Variants in LRCH3 observed in about 807,000 individuals in gnomAD.
LRCH3 encodes leucine rich repeats and calponin homology domain containing 3.
LRCH3 carries 68 observed loss-of-function variants against 104.5 expected under a neutral mutation model. The ratio of observed to expected loss-of-function variants is 0.65; its 90% confidence interval spans 0.54 to 0.80. LRCH3 has a LOEUF of 0.80. LRCH3 is among the 30% of genes least tolerant of loss of function. LRCH3 has a pLI of 0.00. For missense variants in LRCH3, 951 were observed against 953.9 expected (o/e 1.00, Z 0.04); for synonymous variants, 344 against 361.3 (o/e 0.95, Z 0.54).
At chr3:197,869,337 A>G (rs995061865) in intron 17 of LRCH3, among the ~76,000 whole-genome samples, 6 of 151,352 alleles carry the variant, frequency 4.0e-5, no homozygotes, top group Non-Finnish European at 8.8e-5. Context: ...AGGAAGTAGA[A>G]AGCGGTGCAC....
At chr3:197,875,003 A>G (rs1712704192) in intron 19 of LRCH3, among the ~76,000 whole-genome samples, 6 of 145,374 alleles carry the variant, frequency 4.1e-5, no homozygotes. Context: ...GCTCCCCACA[A>G]CCTCTGCCTC....
intron 10 of LRCH3, among the ~76,000 whole-genome samples, chr3:197,842,765 A>G (rs1024805816): frequency 6.6e-6 from 1 of 152,184 alleles, no homozygotes; most frequent in Non-Finnish European, 1.5e-5. Flanking sequence ...ACTAGCAAAA[A>G]TTATGTTTTA....
rs933071689 is a variant in LRCH3 at position 197,854,920 on chromosome 3, A to C, written c.1644+475A>C. 6.6e-6 allele frequency among the ~76,000 whole-genome samples: 1 copy of C among 152,134 alleles called. No homozygotes were observed. The highest frequency in any genetic ancestry group is 2.4e-5 in the African/African-American group (1 of 41,418). On this transcript the variant is annotated intron_variant, in intron 14 of 20. Transcript: ENST00000425562. This position sits in a 1 kb window ranked among gnomAD's most constrained non-coding sequence, Gnocchi z 4.5. Reference sequence around the variant, plus strand: ...ACTTACAGCTCAAGATTATTCCTTCATGTTCACTTTTTAAACCCAAGGAAA... The same window carrying C: ...ACTTACAGCTCAAGATTATTCCTTCCTGTTCACTTTTTAAACCCAAGGAAA...
chr3:197,841,999 T>C (rs896565004), intron 10 of LRCH3, among the ~76,000 whole-genome samples: 9 of 152,004 alleles, frequency 5.9e-5, no homozygotes, highest in Non-Finnish European at 8.8e-5. Context: ...ACTCAGCAAA[T>C]TTTTTGTTAT....
intron 19 of LRCH3, among the ~76,000 whole-genome samples, chr3:197,873,080 T>G (rs951965188): frequency 1.3e-5 from 2 of 152,142 alleles, no homozygotes; most frequent in Non-Finnish European, 2.9e-5. Context: ...GCACTGCTGG[T>G]CAGGTCTGGG....
At position 197,883,493 on chromosome 3, in the gene LRCH3, A is replaced by G; in HGVS notation, c.2209-48A>G. On this transcript the variant is annotated intron_variant, in intron 20 of 20. Coordinates refer to ENST00000425562, the MANE Select transcript of LRCH3 (RefSeq NM_001365715.1). The surrounding 1 kb of genome is among the most constrained non-coding windows in gnomAD (Gnocchi z 4.2). ...TTTTCCTTTCAGTTCTATGATATTC[A>G]TCCGATTTTCTTTTTTGTTTGTTTT... 1.3e-6 allele frequency: 2 copies of G among 1,518,868 alleles called. No individual in the cohort carries two copies. Among genetic ancestry groups the G allele is most frequent in the Non-Finnish European group, 1.8e-6 (2 of 1,136,164 alleles). The allele number at this position is 1,518,868 out of a possible 1,614,324, so 94.1% of individuals were successfully genotyped here.
At position 197,854,390 on chromosome 3, in the gene LRCH3, A is replaced by G; in HGVS notation, c.1591-2A>G. The stretch of plus-strand genomic sequence containing the variant: ...TGGCTTCATTTTTCTCCATCTCTCC[A>G]GTGCCCCTTCCCATCCAGAAGGTCT... On this transcript the variant is annotated splice_acceptor_variant, in intron 13 of 20. Coordinates refer to ENST00000425562, the MANE Select transcript of LRCH3 (RefSeq NM_001365715.1). LOFTEE classifies it high-confidence loss of function. The surrounding 1 kb of genome is among the most constrained non-coding windows in gnomAD (Gnocchi z 4.5). 2 of 1,613,996 alleles carry G rather than the reference A, an allele frequency of 1.2e-6. No individual in the cohort carries two copies. The highest frequency in any genetic ancestry group is 1.7e-6 in the Non-Finnish European group (2 of 1,179,850).
At chr3:197,879,434 CAGG>C (rs1200680360) in intron 20 of LRCH3, among the ~76,000 whole-genome samples, 2 of 151,644 alleles carry the variant, frequency 1.3e-5, no homozygotes, top group African/African-American at 2.4e-5. Flanking sequence ...ATCACGAGGT[CAGG>C]AGATCGAGAC....
At chr3:197,826,786 T>C in intron 4 of LRCH3, 92 bp from the exon 5 acceptor site, 1 of 1,451,232 alleles carries the variant, frequency 6.9e-7, no homozygotes, top group Non-Finnish European at 9.6e-7. Context: ...AGTAAATATC[T>C]ATGTTAAAAT....
chr3:197,867,712 A>G (rs965793040), intron 17 of LRCH3, among the ~76,000 whole-genome samples: 3 of 151,698 alleles, frequency 2.0e-5, no homozygotes. Context: ...AAAATTAGCC[A>G]GGCATGGTGG....
chr3:197,842,918 C>T (rs1738020184), intron 10 of LRCH3, among the ~76,000 whole-genome samples: 1 of 151,876 alleles, frequency 6.6e-6, no homozygotes, highest in African/African-American at 2.4e-5. Context: ...AACCTGATCT[C>T]TACTAAAAAT....
rs1041189256 is a variant in LRCH3, at chr3:197,835,791, C to T, written c.1220C>T (p.Ala407Val). 4 of 1,613,816 alleles carry T rather than the reference C, an allele frequency of 2.5e-6. No homozygotes were observed. The highest frequency in any genetic ancestry group is 2.7e-5 in the African/African-American group (2 of 74,842). Reference sequence around the variant, plus strand: ...GACAGCCTTAGTTCACAGTTTATGGCGTATATTGAACAGCGGCGAATCTCT... The same window carrying T: ...GACAGCCTTAGTTCACAGTTTATGGTGTATATTGAACAGCGGCGAATCTCT... The part of the protein sequence containing the change: ...DPDSLSSQFM[A>V]YIEQRRISHE... The change falls in exon 9 of 21, where the codon GCG becomes GTG. Residue 407 changes from alanine (A) to valine (V), a missense_variant. By Grantham distance (64) the Ala-to-Val change is moderately conservative. Transcript: ENST00000425562.
chr3:197,864,160 G>A (rs1265758289), intron 15 of LRCH3, among the ~76,000 whole-genome samples: 2 of 151,730 alleles, frequency 1.3e-5, no homozygotes, highest in African/African-American at 2.4e-5. Context: ...TACAAAATTA[G>A]CCAGGTGTGG....
intron 1 of LRCH3, among the ~76,000 whole-genome samples, chr3:197,798,825 G>C (rs942469537): frequency 4.4e-4 from 67 of 152,306 alleles, no homozygotes; most frequent in Middle Eastern, 3.4e-3. Flanking sequence ...CTAGCCGTAA[G>C]TGGTTATTAA....
Position 197,883,817 on chromosome 3 carries a change from C to G in LRCH3, c.*151C>G. 1 of 838,756 alleles carries G rather than the reference C, an allele frequency of 1.2e-6. No individual in the cohort carries two copies. Among genetic ancestry groups the G allele is most frequent in the East Asian group, 3.2e-5 (1 of 31,216 alleles). The allele number at this position is 838,756 out of a possible 1,614,324, so 52.0% of individuals were successfully genotyped here. A position where few individuals can be genotyped will look rare whatever the true frequency, so the allele number is the denominator to read the frequency against. ...CTAACAGGAATATTTTGCTTCATTT[C>G]TCCATTTTAGGGGAGGTTATTTCCA... On this transcript the variant is annotated 3_prime_UTR_variant, in exon 21 of 21. Coordinates refer to ENST00000425562, the MANE Select transcript of LRCH3 (RefSeq NM_001365715.1). This position sits in a 1 kb window ranked among gnomAD's most constrained non-coding sequence, Gnocchi z 4.2.
At chr3:197,792,007 G>A (rs1235732176) in intron 1 of LRCH3, among the ~76,000 whole-genome samples, 1 of 152,060 alleles carries the variant, frequency 6.6e-6, no homozygotes, top group Non-Finnish European at 1.5e-5. Flanking sequence ...AAGAAGTGTT[G>A]GGGAGCGTGT....
In LRCH3 at chr3:197,888,106, G is replaced by A. The variant is rs758038819; in HGVS notation, c.*4440G>A. 9 of 152,226 alleles carry A rather than the reference G, an allele frequency of 5.9e-5. No homozygotes were observed. Among genetic ancestry groups the A allele is most frequent in the Non-Finnish European group, 1.0e-4 (7 of 68,046 alleles). 9.4% of individuals were successfully genotyped at this position (152,226 alleles called of 1,614,324 possible). On this transcript the variant is annotated 3_prime_UTR_variant, in exon 21 of 21. Transcript: ENST00000425562. ...ACAGCTCAGCAGTGACTAATGATGT[G>A]TGACTATGCGAATGAGTTTGATGAA...
intron 20 of LRCH3, chr3:197,881,242 C>G: frequency 1.0e-6 from 1 of 995,724 alleles, no homozygotes; most frequent in Non-Finnish European, 1.2e-6. Flanking sequence ...ATCCTGAATC[C>G]CCGCTTTGTC....
chr3:197,832,470 TTCC>T (rs1736090634), intron 8 of LRCH3, among the ~76,000 whole-genome samples, 153 bp downstream of exon 8: 1 of 152,208 alleles, frequency 6.6e-6, no homozygotes, highest in South Asian at 2.1e-4. Context: ...AAATACTATT[TTCC>T]ATTGGGATGA....
Sources: allele counts gnomAD v4.1 joint callset (sites outside exome capture counted in the v4.1 genomes callset), GRCh38; gene constraint gnomAD v4.1.1; non-coding constraint Gnocchi (gnomAD v3.1); transcripts MANE v1.5; gene names NCBI Gene and HGNC (gene_info 2026-07-23, HGNC 2026-07-21).